The following MUC12 variants were observed in gnomAD, a reference collection of about 807,000 sequenced individuals.
The protein encoded by MUC12 is mucin 12, cell surface associated, also known as mucin-12.
MUC12 carries 172 observed loss-of-function variants against 230.8 expected under a neutral mutation model. That is an observed-to-expected ratio of 0.75 (90% CI 0.66 to 0.85). The LOEUF is 0.85. Among genes scored for constraint, MUC12 ranks in the 40% least tolerant of loss-of-function variants. MUC12 has a pLI of 0.00. For missense variants in MUC12, 3,506 were observed against 5,920.6 expected, an observed-to-expected ratio of 0.59 and a Z score of 13.38; for synonymous variants, 1,259 against 2,401.9, an observed-to-expected ratio of 0.52 and a Z score of 13.91.
Position 100,994,096 on chromosome 7 carries a change from C to A in MUC12, c.3533C>A (p.Thr1178Lys), listed in dbSNP as rs537740254. 25 of 1,027,962 alleles carry A rather than the reference C, an allele frequency of 2.4e-5. 10 individuals carry two copies. In the African/African-American group the frequency reaches 2.5e-4, roughly 10 times the overall value. 63.7% of individuals were successfully genotyped at this position (1,027,962 alleles called of 1,614,324 possible). Reference protein sequence around the residue: ...TETTVFPHSTTTSVHGEEPTT... With the variant: ...TETTVFPHSTKTSVHGEEPTT... ...ACCACAGTGTTCCCTCACAGCACCA[C>A]AACCTCAGTTCATGGTGAAGAGCCT... Residue 1178 changes from threonine (T) to lysine (K), a missense_variant, in exon 2 of 12, where the codon ACA becomes AAA. By Grantham distance (78) the Thr-to-Lys change is moderately conservative. Transcript: ENST00000536621.
In MUC12 at chr7:100,991,647, C is replaced by G. The variant is rs1342294712; in HGVS notation, c.1084C>G (p.His362Asp). Residue 362 changes from histidine to aspartate, a missense_variant, in exon 2 of 12, where the codon CAC becomes GAC. His to Asp is a moderately conservative substitution (Grantham distance 81). Transcript: ENST00000536621. ...CCATGTTGAAGAATCTACAGCCTAC[C>G]ACAGGAGCCCGGGCTCAACTCAAAC... ...SGHVEESTAY[H>D]RSPGSTQTMH... 3 of 1,537,036 alleles carry G rather than the reference C, an allele frequency of 2.0e-6. No homozygotes were observed. The highest frequency in any genetic ancestry group is 1.7e-6 in the Non-Finnish European group (2 of 1,146,302).
chr7:101,012,716 G>A, intron 6 of MUC12, 103 bp from the exon 7 acceptor site: 2 of 1,296,866 alleles, frequency 1.5e-6, no homozygotes, highest in Non-Finnish European at 2.1e-6. Flanking sequence ...CACGGGCATT[G>A]GCCCAGGGGA....
At chr7:100,989,252 G>A (rs191348968) in intron 1 of MUC12, among the ~76,000 whole-genome samples, 1 of 152,024 alleles carries the variant, frequency 6.6e-6, no homozygotes, top group East Asian at 1.9e-4. Flanking sequence ...GGGATTACAG[G>A]TGCCTGCCAC....
chr7:101,014,184 G>A (rs1793881338), intron 9 of MUC12, 110 bp downstream of exon 9: 1 of 1,302,654 alleles, frequency 7.7e-7, no homozygotes. Context: ...CAATCAGAGA[G>A]GTCAGCTGAG....
At position 101,008,736 on chromosome 7, in the gene MUC12, A is replaced by C; in HGVS notation, c.15161A>C (p.Asn5054Thr). Residue 5054 changes from asparagine to threonine, a missense_variant, in exon 4 of 12, where the codon AAC (asparagine) becomes ACC (threonine). Asn to Thr is a moderately conservative substitution (Grantham distance 65). Transcript: ENST00000536621. ...MNDASSQEYQ[N>T]FSTLFKNRMD... Reference sequence around the variant, plus strand: ...GACGCATCCTCCCAGGAATACCAGAACTTCAGTACCCTCTTCAAGAATCGG... The same window carrying C: ...GACGCATCCTCCCAGGAATACCAGACCTTCAGTACCCTCTTCAAGAATCGG... 6.5e-7 allele frequency: 1 copy of C among 1,537,202 alleles called. No homozygotes were observed. The highest frequency in any genetic ancestry group is 8.7e-7 in the Non-Finnish European group (1 of 1,146,900).
chr7:100,994,490 AAC>A lies in MUC12; in HGVS notation c.3930_3931del (p.Ser1312ThrfsTer30). ...FYTSPRSPDA[T>X]LSPATTTSSG... ...ACACTAGCCCCAGATCACCAGATGC[AAC>A]ACTCTCACCTGCAACCACAACAAGC... On this transcript the variant is annotated frameshift_variant, in exon 2 of 12. Coordinates refer to ENST00000536621, the MANE Select transcript of MUC12 (RefSeq NM_001164462.2). LOFTEE classifies it high-confidence loss of function. The A allele has an allele frequency of 2.3e-6, 3 of 1,282,668 alleles. No homozygotes were observed. The highest frequency in any genetic ancestry group is 2.1e-6 in the Non-Finnish European group (2 of 961,642). The allele number at this position is 1,282,668 out of a possible 1,614,324, so 79.5% of individuals were successfully genotyped here.
intron 1 of MUC12, among the ~76,000 whole-genome samples, chr7:100,982,254 C>T (rs1259903408): frequency 1.3e-5 from 2 of 152,064 alleles, no homozygotes; most frequent in African/African-American, 4.8e-5. Context: ...GGCTGGTTCA[C>T]ACCCATTTTC....
At chr7:100,987,947 G>A (rs1300312363) in intron 1 of MUC12, among the ~76,000 whole-genome samples, 1 of 150,792 alleles carries the variant, frequency 6.6e-6, no homozygotes, top group East Asian at 1.9e-4. Flanking sequence ...CTCCAGCCTG[G>A]GCAACAAGAG....
chr7:101,006,794 T>TA (rs1466855431), intron 3 of MUC12, among the ~76,000 whole-genome samples: 3 of 151,944 alleles, frequency 2.0e-5, no homozygotes, highest in African/African-American at 7.3e-5. Context: ...AATTTTTAAT[T>TA]TTTAGGGGTA....
chr7:100,984,288 G>C (rs1357773398), intron 1 of MUC12, among the ~76,000 whole-genome samples: 2 of 145,996 alleles, frequency 1.4e-5, no homozygotes, highest in African/African-American at 5.1e-5. Context: ...ACAGAGTCTC[G>C]CTGTGTCACC....
At chr7:100,987,862 T>A (rs35019357) in intron 1 of MUC12, among the ~76,000 whole-genome samples, 1 of 151,704 alleles carries the variant, frequency 6.6e-6, no homozygotes, top group South Asian at 2.1e-4. Flanking sequence ...TCCCAGCTAC[T>A]TGGGAGGCTG....
Position 101,018,719 on chromosome 7 carries a change from TC to T in MUC12, c.*84del. On this transcript the variant is annotated 3_prime_UTR_variant, in exon 12 of 12. Transcript: ENST00000536621. ...GCCCACCACAAGCCTCCGGGGCGGGTCAAGAGGAGACCGAAGTCAGGCCCTG... is the reference window on the plus strand; with the variant it reads ...GCCCACCACAAGCCTCCGGGGCGGGTAAGAGGAGACCGAAGTCAGGCCCTG... The T allele has an allele frequency of 7.2e-7, 1 of 1,397,494 alleles. No homozygotes were observed. 86.6% of individuals were successfully genotyped at this position (1,397,494 alleles called of 1,614,324 possible).
chr7:100,990,826 C>G lies in MUC12; in HGVS notation c.263C>G (p.Pro88Arg), dbSNP rs1390578193. ...GAATCAACAGTATCCCACAGCGGCC[C>G]AGGTGCAACTGGAACAACACTCTTC... ...SEESTVSHSG[P>R]GATGTTLFPS... The change falls in exon 2 of 12, where the codon CCA becomes CGA. Residue 88 changes from proline (P) to arginine (R), a missense_variant. Physicochemically the swap from Pro to Arg is moderately radical, Grantham distance 103 (BLOSUM62 -2). Transcript: ENST00000536621. 8.5e-6 allele frequency: 13 copies of G among 1,537,812 alleles called. No individual in the cohort carries two copies. Among genetic ancestry groups the G allele is most frequent in the Non-Finnish European group, 1.1e-5 (13 of 1,147,024 alleles).
In MUC12 at chr7:101,004,297, C is replaced by T; in HGVS notation, c.13734C>T (p.His4578=). Residue 4578 remains histidine (H), a synonymous_variant, in exon 2 of 12, where the codon CAC becomes CAT. Coordinates refer to ENST00000536621, the MANE Select transcript of MUC12 (RefSeq NM_001164462.2). ...GTAGTGAGGAATCGACAACAGTCCA[C>T]AGCAGCCCAGTTGCAACTGCAACAA... ...LGRSEESTTV[H]SSPVATATTP... 5 of 981,072 alleles carry T rather than the reference C, an allele frequency of 5.1e-6. No homozygotes were observed. The highest frequency in any genetic ancestry group is 7.0e-6 in the Non-Finnish European group (5 of 719,212). 60.8% of individuals were successfully genotyped at this position (981,072 alleles called of 1,614,324 possible).
chr7:101,007,228 G>C (rs975826958), intron 3 of MUC12, among the ~76,000 whole-genome samples: 2 of 152,158 alleles, frequency 1.3e-5, no homozygotes, highest in African/African-American at 4.8e-5. Flanking sequence ...CAAAGTGCTG[G>C]GATTACAGGC....
chr7:101,017,768 C>T, intron 11 of MUC12, 105 bp downstream of exon 11: 1 of 768,010 alleles, frequency 1.3e-6, no homozygotes, highest in South Asian at 1.8e-5. Context: ...CCCTTCTCCC[C>T]CTGGGACTCC....
At chr7:100,969,737 A>T in intron 1 of MUC12, 48 bp downstream of exon 1, 2 of 1,532,380 alleles carry the variant, frequency 1.3e-6, no homozygotes, top group Non-Finnish European at 1.8e-6. Flanking sequence ...CCTGGGTGGT[A>T]ATAGTACATG....
In MUC12 at chr7:100,990,988, G is replaced by A; in HGVS notation, c.425G>A (p.Ser142Asn). Reference sequence around the variant, plus strand: ...AGTGAGAAATCTACCACCTTCTACAGTAGCCCCAGATCACCAGACAGAACA... The same window carrying A: ...AGTGAGAAATCTACCACCTTCTACAATAGCCCCAGATCACCAGACAGAACA... The part of the protein sequence containing the change: ...GLSEKSTTFY[S>N]SPRSPDRTLS... Residue 142 changes from serine (S) to asparagine (N), a missense_variant, in exon 2 of 12, where the codon AGT becomes AAT. Coordinates refer to ENST00000536621, the MANE Select transcript of MUC12 (RefSeq NM_001164462.2). 1.3e-6 allele frequency: 2 copies of A among 1,537,848 alleles called. No homozygotes were observed. The highest frequency in any genetic ancestry group is 1.7e-6 in the Non-Finnish European group (2 of 1,147,052).
intron 1 of MUC12, among the ~76,000 whole-genome samples, chr7:100,984,892 T>C (rs1370166856): frequency 2.6e-5 from 4 of 152,036 alleles, no homozygotes; most frequent in Non-Finnish European, 5.9e-5. Context: ...TGGGATGGAG[T>C]CTCACTCTGT....
Sources: allele counts gnomAD v4.1 joint callset (sites outside exome capture counted in the v4.1 genomes callset), GRCh38; gene constraint gnomAD v4.1.1; transcripts MANE v1.5; gene names NCBI Gene and HGNC (gene_info 2026-07-23, HGNC 2026-07-21).